BACH2: variants seen among roughly 807,000 people sequenced by gnomAD.
BACH2 encodes the protein BACH transcriptional regulator 2, also known as transcription regulator protein BACH2.
A neutral mutation model predicts 61.8 loss-of-function variants in BACH2; 5 were observed. The observed-to-expected ratio is 0.08, with a 90% CI of 0.04 to 0.17. The LOEUF is 0.17. Among genes scored for constraint, BACH2 ranks in the 10% least tolerant of loss-of-function variants. BACH2 has a pLI of 1.00. For synonymous variants in BACH2, 446 were observed against 440.1 expected, an observed-to-expected ratio of 1.01 and a Z score of -0.17; for missense variants, 824 against 1,091.1, an observed-to-expected ratio of 0.76 and a Z score of 3.45.
chr6:90,111,000 T>C (rs1783143105), intron 4 of BACH2, among the ~76,000 whole-genome samples: 1 of 152,232 alleles, frequency 6.6e-6, no homozygotes. Flanking sequence ...TTCTGTTCTA[T>C]TGTAAGCATG....
chr6:89,965,744 C>G (rs1262848406), intron 6 of BACH2, among the ~76,000 whole-genome samples: 1 of 152,186 alleles, frequency 6.6e-6, no homozygotes, highest in East Asian at 1.9e-4. Flanking sequence ...GAAATCAGAA[C>G]TGAAGAACTG....
chr6:89,986,292 C>G (rs1776239236), intron 6 of BACH2, among the ~76,000 whole-genome samples: 1 of 151,612 alleles, frequency 6.6e-6, no homozygotes, highest in African/African-American at 2.4e-5. Context: ...CATATTTCTC[C>G]TAGGGACGCT....
At chr6:90,296,071 G>A (rs1271951633) in intron 1 of BACH2, among the ~76,000 whole-genome samples, 6 of 152,154 alleles carry the variant, frequency 3.9e-5, no homozygotes, top group South Asian at 2.1e-4. Flanking sequence ...CGGGGGCAGG[G>A]CCGCGGGTCT....
chr6:90,224,330 C>A (rs1005100758), intron 3 of BACH2, among the ~76,000 whole-genome samples: 1 of 152,170 alleles, frequency 6.6e-6, no homozygotes, highest in Non-Finnish European at 1.5e-5. Flanking sequence ...TACAACTAGC[C>A]ATTAATCCAC....
chr6:90,062,412 A>G (rs1300358496), intron 5 of BACH2, among the ~76,000 whole-genome samples: 1 of 135,734 alleles, frequency 7.4e-6, no homozygotes, highest in African/African-American at 2.6e-5. Flanking sequence ...ATATACAGCT[A>G]AAGAGGTCTT....
chr6:89,947,588 CAG>C (rs1431575625), intron 7 of BACH2, among the ~76,000 whole-genome samples: 2 of 150,038 alleles, frequency 1.3e-5, no homozygotes, highest in Non-Finnish European at 3.0e-5. Flanking sequence ...TTTTTTGAGA[CAG>C]AGTCTCGCTC....
chr6:90,109,109 T>C (rs1283317086), intron 4 of BACH2, among the ~76,000 whole-genome samples: 1 of 152,208 alleles, frequency 6.6e-6, no homozygotes, highest in Non-Finnish European at 1.5e-5. Context: ...AAAATAGTTG[T>C]CTTTACTTGC....
At chr6:90,170,260 T>C (rs1767767161) in intron 4 of BACH2, among the ~76,000 whole-genome samples, 1 of 152,208 alleles carries the variant, frequency 6.6e-6, no homozygotes, top group Non-Finnish European at 1.5e-5. Context: ...ACTATTGGGA[T>C]AAAATTATTT....
At chr6:90,060,125 T>TATA (rs1428763514) in intron 5 of BACH2, among the ~76,000 whole-genome samples, 1 of 145,840 alleles carries the variant, frequency 6.9e-6, no homozygotes, top group Non-Finnish European at 1.5e-5. Context: ...TAAAGTATAA[T>TATA]AACAGTAAAA....
At chr6:89,982,583 A>C (rs1038139811) in intron 6 of BACH2, among the ~76,000 whole-genome samples, 1 of 152,200 alleles carries the variant, frequency 6.6e-6, no homozygotes, top group Non-Finnish European at 1.5e-5. Flanking sequence ...ATTATATTTT[A>C]ATATAGCTGT....
chr6:90,134,473 G>GGTCGGATGGGGTTAGTGAGGCAGGA (rs1784208459), intron 4 of BACH2, among the ~76,000 whole-genome samples: 1 of 152,198 alleles, frequency 6.6e-6, no homozygotes, highest in Non-Finnish European at 1.5e-5. Context: ...AGTCCTTCCT[G>GGTCGGATGGGGTTAGTGAGGCAGGA]GTCGGATGGG....
At chr6:90,131,178 T>G (rs1192956757) in intron 4 of BACH2, among the ~76,000 whole-genome samples, 1 of 152,190 alleles carries the variant, frequency 6.6e-6, no homozygotes, top group African/African-American at 2.4e-5. Flanking sequence ...TAGTGAAGTT[T>G]GACCCTAAAA....
Position 89,950,572 on chromosome 6 carries a change from G to A in BACH2, c.1534C>T (p.Pro512Ser), listed in dbSNP as rs759035058. The change falls in exon 7 of 9, where the codon CCC becomes TCC. Residue 512 changes from proline to serine, a missense_variant. Transcript: ENST00000257749. The surrounding 1 kb of genome is among the most constrained non-coding windows in gnomAD (Gnocchi z 5.3). ...GAAGTCCTGGTCCTGGTCTCCAAGG[G>A]GGGTGAGCGAGGGCAGACTTTGATT... ...VPIKVCPRSP[P>S]LETRTRTSSS... 5 of 1,611,624 alleles carry A rather than the reference G, an allele frequency of 3.1e-6. No homozygotes were observed. Among genetic ancestry groups the A allele is most frequent in the South Asian group, 1.1e-5 (1 of 90,924 alleles).
intron 7 of BACH2, among the ~76,000 whole-genome samples, chr6:89,943,560 G>A (rs965360714): frequency 2.0e-5 from 3 of 152,020 alleles, no homozygotes; most frequent in Non-Finnish European, 2.9e-5. Flanking sequence ...AGATTTCCCC[G>A]TGATCTTTGT....
At chr6:90,092,291 A>AAAAAAAAAAAAAAAAAT in intron 4 of BACH2, among the ~76,000 whole-genome samples, 3 of 113,826 alleles carry the variant, frequency 2.6e-5, no homozygotes, top group African/African-American at 1.1e-4. Flanking sequence ...AAAAAAAAAA[A>AAAAAAAAAAAAAAAAAT]ATATATATAT....
At chr6:90,032,194 C>A (rs1388060685) in intron 5 of BACH2, among the ~76,000 whole-genome samples, 1 of 151,350 alleles carries the variant, frequency 6.6e-6, no homozygotes, top group Non-Finnish European at 1.5e-5. Flanking sequence ...ACACCTTATA[C>A]AAAAATTAAT....
At chr6:90,050,731 A>C (rs1270126106) in intron 5 of BACH2, among the ~76,000 whole-genome samples, 2 of 152,102 alleles carry the variant, frequency 1.3e-5, no homozygotes, top group African/African-American at 2.4e-5. Context: ...AGGTAAATAT[A>C]GATAAAACCC....
At position 90,191,562 on chromosome 6, in the gene BACH2, C is replaced by T. The variant is rs146589750; in HGVS notation, c.-162+15007G>A. Among the ~76,000 whole-genome samples, 9 of 152,238 alleles carry T rather than the reference C, an allele frequency of 5.9e-5. 1 individual carries two copies. The South Asian group carries it at 6.2e-4, about 11-fold the overall frequency. On this transcript the variant is annotated intron_variant, in intron 4 of 8. Coordinates refer to ENST00000257749, the MANE Select transcript of BACH2 (RefSeq NM_021813.4). ...ACATTCCAATGTGACGGAATGGAAA[C>T]GTGCATGGATTTTGGAGTCACTAAG...
intron 4 of BACH2, among the ~76,000 whole-genome samples, chr6:90,125,829 G>C (rs1314761482): frequency 1.3e-5 from 2 of 152,170 alleles, no homozygotes; most frequent in African/African-American, 4.8e-5. Context: ...AGGGCCCCTG[G>C]AACTCTTTCA....
Sources: gnomAD v4.1 joint callset for allele counts (sites outside exome capture counted in the v4.1 genomes callset) on GRCh38, gnomAD v4.1.1 for gene constraint, Gnocchi (gnomAD v3.1) non-coding constraint, MANE v1.5 for transcripts, NCBI Gene and HGNC (gene_info 2026-07-23, HGNC 2026-07-21) for gene names.